Variants in EPB41L4A observed in about 807,000 individuals in gnomAD.
EPB41L4A encodes the protein erythrocyte membrane protein band 4.1 like 4A, also known as band 4.1-like protein 4A.
A neutral mutation model predicts 108.6 loss-of-function variants in EPB41L4A; 100 were observed. The ratio of observed to expected loss-of-function variants is 0.92; its 90% CI spans 0.78 to 1.09. The LOEUF (loss-of-function observed/expected upper bound fraction) is 1.09, where lower values mean the gene tolerates loss of function less well. Among genes scored for constraint, EPB41L4A ranks in the 50% least tolerant of loss-of-function variants. The pLI is 0.00. For synonymous variants in EPB41L4A, 319 were observed against 289.0 expected (o/e 1.10, Z -1.05); for missense variants, 1,030 against 842.7 (o/e 1.22, Z -2.75).
At chr5:112,291,820 T>C (rs67586008) in intron 2 of EPB41L4A, among the ~76,000 whole-genome samples, 15,840 of 152,238 alleles carry the variant, frequency 0.1, 991 homozygotes, top group Non-Finnish European at 0.15. Flanking sequence ...CGTTCCCCCA[T>C]ACCTCACCTT....
At chr5:112,419,829 G>A, upstream of EPB41L4A, 1 of 456,754 alleles carries the variant, frequency 2.2e-6, no homozygotes, top group South Asian at 1.5e-5. Context: ...AGCTCATTAC[G>A]GGTGGCCGTG....
chr5:112,144,087 T>G (rs2112780602), intron 13 of EPB41L4A, among the ~76,000 whole-genome samples: 1 of 152,294 alleles, frequency 6.6e-6, no homozygotes. Flanking sequence ...GTGCCTACTT[T>G]TCTCCCTATA....
At chr5:112,336,416 A>G (rs1486714334) in intron 1 of EPB41L4A, among the ~76,000 whole-genome samples, 1 of 152,182 alleles carries the variant, frequency 6.6e-6, no homozygotes, top group East Asian at 1.9e-4. Context: ...GGCCTGTGGC[A>G]TTATTCTTTC....
chr5:112,320,394 G>A (rs1317985882), intron 1 of EPB41L4A, among the ~76,000 whole-genome samples: 1 of 152,134 alleles, frequency 6.6e-6, no homozygotes, highest in Non-Finnish European at 1.5e-5. Context: ...TAACACAAAA[G>A]CCCTCTAAAG....
At position 112,345,443 on chromosome 5, in the gene EPB41L4A, G is replaced by A. The variant is rs1468572603; in HGVS notation, c.100-37953C>T. Among the ~76,000 whole-genome samples, 4 of 151,826 alleles carry A rather than the reference G, an allele frequency of 2.6e-5. No individual in the cohort carries two copies. In the East Asian group the frequency reaches 7.7e-4, roughly 29 times the overall value. The stretch of plus-strand genomic sequence containing the variant: ...AAGATATGTTAATTTTTTAAAGTAG[G>A]CTGCAGTATTCTGTAAGATCTCTTT... On this transcript the variant is annotated intron_variant, in intron 1 of 22. Transcript: ENST00000261486.
Position 112,264,902 on chromosome 5 carries a change from G to A in EPB41L4A, c.548C>T (p.Thr183Ile). 6.2e-7 allele frequency: 1 copy of A among 1,610,926 alleles called. No homozygotes were observed. Among genetic ancestry groups the A allele is most frequent in the Non-Finnish European group, 8.5e-7 (1 of 1,178,980 alleles). Reference sequence around the variant, plus strand: ...ATGGTGTAATGATTCTTACATTAGAGTTTTATGAATCCTTTCTATGGCTTC... The same window carrying A: ...ATGGTGTAATGATTCTTACATTAGAATTTTATGAATCCTTTCTATGGCTTC... Reference protein sequence around the residue: ...LEEAIERIHKTLMGQIPSEAE... With the variant: ...LEEAIERIHKILMGQIPSEAE... Residue 183 changes from threonine to isoleucine, a missense_variant, in exon 6 of 23, where the codon ACT becomes ATT. Thr to Ile is a moderately conservative substitution (Grantham distance 89, BLOSUM62 -1). Transcript: ENST00000261486.
At chr5:112,179,313 G>A (rs1761030172) in intron 18 of EPB41L4A, among the ~76,000 whole-genome samples, 1 of 151,962 alleles carries the variant, frequency 6.6e-6, no homozygotes, top group Non-Finnish European at 1.5e-5. Context: ...GAAAACAGAG[G>A]AAGAAGGAAT....
At chr5:112,267,613 T>G (rs1339774654) in intron 4 of EPB41L4A, among the ~76,000 whole-genome samples, 1 of 152,160 alleles carries the variant, frequency 6.6e-6, no homozygotes, top group East Asian at 1.9e-4. Context: ...ATATGCTGTT[T>G]CTGAAATCTA....
At chr5:112,188,128 A>G (rs532424372) in intron 17 of EPB41L4A, among the ~76,000 whole-genome samples, 1 of 152,346 alleles carries the variant, frequency 6.6e-6, no homozygotes, top group South Asian at 2.1e-4. Context: ...TCCATTGCCA[A>G]AATTAAATCT....
At chr5:112,268,745 A>G (rs1031767068) in intron 4 of EPB41L4A, among the ~76,000 whole-genome samples, 1 of 147,028 alleles carries the variant, frequency 6.8e-6, no homozygotes, top group Admixed American at 6.9e-5. Flanking sequence ...TGGGAGGCTG[A>G]GGCAGGAGGA....
At chr5:112,146,445 G>A (rs1580316875) in intron 12 of EPB41L4A, among the ~76,000 whole-genome samples, 1 of 152,178 alleles carries the variant, frequency 6.6e-6, no homozygotes, top group African/African-American at 2.4e-5. Context: ...CAGGAGCAGA[G>A]GATCTTCCAA....
intron 12 of EPB41L4A, among the ~76,000 whole-genome samples, chr5:112,229,346 C>T (rs920087075): frequency 1.3e-5 from 2 of 152,244 alleles, no homozygotes; most frequent in South Asian, 2.1e-4. Context: ...TCTGGCCCTT[C>T]GTGAAAAACG....
At chr5:112,378,108 T>A (rs777524917) in intron 1 of EPB41L4A, among the ~76,000 whole-genome samples, 5 of 152,168 alleles carry the variant, frequency 3.3e-5, no homozygotes, top group African/African-American at 1.2e-4. Context: ...CACGGAGAAA[T>A]TTATTTCAAC....
At chr5:112,331,254 C>T (rs1050279234) in intron 1 of EPB41L4A, among the ~76,000 whole-genome samples, 2 of 152,216 alleles carry the variant, frequency 1.3e-5, no homozygotes, top group African/African-American at 4.8e-5. Flanking sequence ...AAAACCCGGT[C>T]CAGAACTGGT....
rs992833245 is a variant in EPB41L4A at position 112,145,335 on chromosome 5, C to T, written n.1112+546G>A. Reference sequence around the variant, plus strand: ...ATAACGGAGATTTTATGTAAAATCTCTTCTGCACCACCATTTTAGAGATCT... The same window carrying T: ...ATAACGGAGATTTTATGTAAAATCTTTTCTGCACCACCATTTTAGAGATCT... On this transcript the variant is annotated intron_variant and non_coding_transcript_variant, in intron 13 of 13. Transcript: ENST00000507810. 5.9e-5 allele frequency among the ~76,000 whole-genome samples: 9 copies of T among 152,258 alleles called. No homozygotes were observed. In the East Asian group the frequency reaches 7.7e-4, roughly 13 times the overall value.
At chr5:112,297,401 G>A (rs987969232) in intron 2 of EPB41L4A, among the ~76,000 whole-genome samples, 3 of 152,082 alleles carry the variant, frequency 2.0e-5, no homozygotes. Flanking sequence ...GTGATGTTGA[G>A]AGTTTTTTCA....
intron 1 of EPB41L4A, among the ~76,000 whole-genome samples, chr5:112,379,657 A>G (rs1760038607): frequency 6.6e-6 from 1 of 152,214 alleles, no homozygotes; most frequent in Non-Finnish European, 1.5e-5. Flanking sequence ...AGCAAACTGC[A>G]TAAGAAGACG....
chr5:112,371,336 G>A (rs528691332), intron 1 of EPB41L4A, among the ~76,000 whole-genome samples: 39 of 152,312 alleles, frequency 2.6e-4, no homozygotes, highest in Middle Eastern at 3.4e-3. Context: ...TTTGTGAAAT[G>A]AGTGTTCTCC....
chr5:112,402,422 C>G (rs1278783018), intron 1 of EPB41L4A, among the ~76,000 whole-genome samples: 1 of 152,018 alleles, frequency 6.6e-6, no homozygotes, highest in Non-Finnish European at 1.5e-5. Flanking sequence ...CTGTCTTTCA[C>G]TTTGTGCTGA....
Sources: gnomAD v4.1 joint callset for allele counts (sites outside exome capture counted in the v4.1 genomes callset) on GRCh38, gnomAD v4.1.1 for gene constraint, MANE v1.5 for transcripts, NCBI Gene and HGNC (gene_info 2026-07-23, HGNC 2026-07-21) for gene names.